SOX6: variants seen among roughly 807,000 people sequenced by gnomAD.
The protein encoded by SOX6 is SRY-box transcription factor 6, also known as transcription factor SOX-6.
Under a neutral mutation model 97.8 loss-of-function variants are expected in SOX6, and 11 were observed. That is an observed-to-expected ratio of 0.11 (90% CI 0.07 to 0.19). The LOEUF (loss-of-function observed/expected upper bound fraction) is 0.19. SOX6 is among the 10% of genes least tolerant of loss of function. The pLI is 1.00. For missense variants in SOX6, 810 were observed against 1,039.5 expected (o/e 0.78, Z 3.04); for synonymous variants, 360 against 371.4 (o/e 0.97, Z 0.35).
intron 3 of SOX6, among the ~76,000 whole-genome samples, chr11:16,243,552 C>T (rs1163559874): frequency 6.6e-6 from 1 of 151,486 alleles, no homozygotes; most frequent in Non-Finnish European, 1.5e-5. Flanking sequence ...ATAAAATGCG[C>T]CCATTTAAAA....
At chr11:16,722,219 A>G (rs1218225726) in intron 2 of SOX6, among the ~76,000 whole-genome samples, 1 of 152,354 alleles carries the variant, frequency 6.6e-6, no homozygotes, top group South Asian at 2.1e-4. Flanking sequence ...AACTATATCA[A>G]TAGAATAAGT....
rs770328094 is a variant in SOX6 at position 16,049,768 on chromosome 11, T to C, written c.1422A>G (p.Arg474=). The C allele has an allele frequency of 1.7e-5, 28 of 1,613,510 alleles. No homozygotes were observed. Among genetic ancestry groups the C allele is most frequent in the Admixed American group, 6.7e-5 (4 of 59,956 alleles). Residue 474 remains arginine, a synonymous_variant, in exon 11 of 16, where the codon AGA becomes AGG. Coordinates refer to ENST00000683767, the MANE Select transcript of SOX6 (RefSeq NM_001367873.1). The stretch of plus-strand genomic sequence containing the variant: ...TTTTCCATTTACCTAAAGAGGATCC[T>C]CTTCCCAGGCTTCCTCCAATGGGGC... ...IPSPIGGSLG[R]GSSLDILSSL...
chr11:16,487,411 C>G (rs1303681232), intron 4 of SOX6, among the ~76,000 whole-genome samples: 2 of 152,064 alleles, frequency 1.3e-5, no homozygotes, highest in East Asian at 3.9e-4. Flanking sequence ...CCCAGACCTC[C>G]AGGAATGACC....
chr11:16,452,718 G>A (rs1244377841), intron 1 of SOX6, among the ~76,000 whole-genome samples: 2 of 151,946 alleles, frequency 1.3e-5, no homozygotes, highest in East Asian at 3.9e-4. Flanking sequence ...AAGAAAAGAG[G>A]AAAAAAATTT....
chr11:16,002,216 C>A (rs1403857753), intron 13 of SOX6, among the ~76,000 whole-genome samples: 1 of 152,162 alleles, frequency 6.6e-6, no homozygotes, highest in Non-Finnish European at 1.5e-5. Context: ...AGGGGCTATA[C>A]TAAAGCCTTT....
intron 3 of SOX6, among the ~76,000 whole-genome samples, chr11:16,625,483 G>T (rs2133991859): frequency 6.6e-6 from 1 of 152,178 alleles, no homozygotes; most frequent in East Asian, 1.9e-4. Flanking sequence ...TTTAACCTTG[G>T]TTCCTAACAA....
At chr11:16,411,141 A>G (rs1350374866) in intron 1 of SOX6, among the ~76,000 whole-genome samples, 1 of 152,126 alleles carries the variant, frequency 6.6e-6, no homozygotes, top group Non-Finnish European at 1.5e-5. Context: ...GAAAGGGGAA[A>G]TTCTACATAA....
At chr11:15,981,390 A>T (rs1323141884) in intron 15 of SOX6, among the ~76,000 whole-genome samples, 1 of 152,062 alleles carries the variant, frequency 6.6e-6, no homozygotes, top group Admixed American at 6.6e-5. Flanking sequence ...AATTACAGGA[A>T]TATTTCTGGA....
intron 9 of SOX6, among the ~76,000 whole-genome samples, chr11:16,067,906 T>C (rs1264906085): frequency 5.3e-5 from 8 of 152,182 alleles, no homozygotes; most frequent in Admixed American, 5.2e-4. Context: ...AAAATTACTA[T>C]TCTATAGAAA....
At position 16,588,952 on chromosome 11, in the gene SOX6, G is replaced by A. The variant is rs141138871; in HGVS notation, n.609+23129C>T. Among the ~76,000 whole-genome samples the A allele has an allele frequency of 7.1e-3, 1,080 of 152,276 alleles. 10 individuals are homozygous for A. Among genetic ancestry groups the A allele is most frequent in the African/African-American group, 0.025 (1,031 of 41,548 alleles). ...AGGCAGGAGGATCACTTGAGCCCAG[G>A]AGTTTGAGGCTGAGTGAGCTATGAT... is the stretch of plus-strand genomic sequence containing the variant. On this transcript the variant is annotated intron_variant and non_coding_transcript_variant, in intron 4 of 5. Coordinates refer to the SOX6 transcript ENST00000524520.
intron 4 of SOX6, among the ~76,000 whole-genome samples, chr11:16,198,561 A>G (rs1851853086): frequency 1.3e-5 from 2 of 152,170 alleles, no homozygotes. Flanking sequence ...AGGAAAAAAT[A>G]CGTTAAATTA....
chr11:16,636,431 T>C (rs528080280), intron 3 of SOX6, among the ~76,000 whole-genome samples: 1 of 152,360 alleles, frequency 6.6e-6, no homozygotes, highest in South Asian at 2.1e-4. Flanking sequence ...TCATTGCATC[T>C]AGGAAGTAAG....
At chr11:16,302,588 T>TTTCTTTTA (rs1855294497) in intron 3 of SOX6, among the ~76,000 whole-genome samples, 1 of 147,678 alleles carries the variant, frequency 6.8e-6, no homozygotes, top group Non-Finnish European at 1.5e-5. Flanking sequence ...TTTTTTTTTT[T>TTTCTTTTA]GAGAGGCAGT....
At chr11:16,354,203 AGTT>A (rs1857020083) in intron 1 of SOX6, among the ~76,000 whole-genome samples, 2 of 151,992 alleles carry the variant, frequency 1.3e-5, no homozygotes, top group African/African-American at 2.4e-5. Context: ...TTCCTTGAAA[AGTT>A]GTTGTGAAGA....
intron 3 of SOX6, among the ~76,000 whole-genome samples, chr11:16,702,886 T>C (rs1166151635): frequency 2.0e-5 from 3 of 150,112 alleles, no homozygotes; most frequent in African/African-American, 7.3e-5. Context: ...AAGAAGAAAC[T>C]ACCTAAAATA....
chr11:16,468,039 G>C (rs1360522636), intron 1 of SOX6, among the ~76,000 whole-genome samples: 1 of 152,174 alleles, frequency 6.6e-6, no homozygotes, highest in East Asian at 1.9e-4. Context: ...AACAAGTTCA[G>C]AAAGCAGCTT....
chr11:16,257,387 G>A lies in SOX6; in HGVS notation c.446-22716C>T, dbSNP rs970717497. Among the ~76,000 whole-genome samples, 8 of 151,938 alleles carry A rather than the reference G, an allele frequency of 5.3e-5. No homozygotes were observed. The East Asian group carries it at 5.8e-4, about 11-fold the overall frequency. ...ATCGTTGAATGGAACAGAACAGAGCGCTCATAAACAGACTCACATAAATAT... is the reference window on the plus strand; with the variant it reads ...ATCGTTGAATGGAACAGAACAGAGCACTCATAAACAGACTCACATAAATAT... On this transcript the variant is annotated intron_variant, in intron 3 of 15. Transcript: ENST00000683767.
chr11:16,215,642 T>C (rs1281802459), intron 4 of SOX6, among the ~76,000 whole-genome samples: 1 of 152,124 alleles, frequency 6.6e-6, no homozygotes, highest in Non-Finnish European at 1.5e-5. Flanking sequence ...AAATAATCCT[T>C]GACAGCAAAT....
At chr11:16,641,650 C>G (rs1204938551) in intron 3 of SOX6, among the ~76,000 whole-genome samples, 3 of 152,208 alleles carry the variant, frequency 2.0e-5, no homozygotes, top group Non-Finnish European at 1.5e-5. Context: ...GGTCCCTTTA[C>G]CATTATGTAA....
Sources: allele counts gnomAD v4.1 joint callset (sites outside exome capture counted in the v4.1 genomes callset), GRCh38; gene constraint gnomAD v4.1.1; transcripts MANE v1.5; gene names NCBI Gene and HGNC (gene_info 2026-07-23, HGNC 2026-07-21).